The following NPAS2 variants were observed in gnomAD, a reference collection of about 807,000 sequenced individuals.
NPAS2 encodes the protein neuronal PAS domain protein 2, also known as neuronal PAS domain-containing protein 2.
NPAS2 carries 23 observed loss-of-function variants against 107.5 expected under a neutral mutation model. That is an observed-to-expected ratio of 0.21 (90% CI 0.15 to 0.30). The LOEUF is 0.30. Among genes scored for constraint, NPAS2 ranks in the 10% least tolerant of loss-of-function variants. The pLI is 1.00. For missense variants in NPAS2, 756 were observed against 1,043.3 expected, an observed-to-expected ratio of 0.72 and a Z score of 3.79; for synonymous variants, 403 against 417.5, an observed-to-expected ratio of 0.97 and a Z score of 0.42.
chr2:100,964,843 T>TTG lies in NPAS2; in HGVS notation c.718-17_718-16insGT. The TTG allele has an allele frequency of 1.3e-6, 2 of 1,569,200 alleles. No homozygotes were observed. The highest frequency in any genetic ancestry group is 1.7e-6 in the Non-Finnish European group (2 of 1,160,522). ...TGGCACCCAAGCAACTTTTTTTTTT[T>TTG]TTCTGCTTCCAATACAGGAAATGTG... On this transcript the variant is annotated splice_polypyrimidine_tract_variant and intron_variant, in intron 8 of 20. Transcript: ENST00000335681.
chr2:100,968,230 T>A lies in NPAS2; in HGVS notation c.908-51T>A, dbSNP rs1459349729. Reference sequence around the variant, plus strand: ...TTTACAATAACTCTTGGGGAAAAGATCATTTTCATATTAACATTGGTTATA... The same window carrying A: ...TTTACAATAACTCTTGGGGAAAAGAACATTTTCATATTAACATTGGTTATA... On this transcript the variant is annotated intron_variant, in intron 10 of 20. Transcript: ENST00000335681. The surrounding 1 kb of genome is among the most constrained non-coding windows in gnomAD (Gnocchi z 5.3). 1.3e-6 allele frequency: 2 copies of A among 1,574,868 alleles called. No homozygotes were observed. The highest frequency in any genetic ancestry group is 3.4e-5 in the Admixed American group (2 of 58,886).
chr2:100,945,986 C>T (rs1331105376), intron 5 of NPAS2, among the ~76,000 whole-genome samples: 1 of 152,238 alleles, frequency 6.6e-6, no homozygotes, highest in East Asian at 1.9e-4. Context: ...GAACAAGGCA[C>T]TGGGCCCTGC....
intron 3 of NPAS2, among the ~76,000 whole-genome samples, chr2:100,925,811 A>G (rs1464378647): frequency 2.0e-5 from 3 of 152,232 alleles, no homozygotes; most frequent in African/African-American, 7.2e-5. Flanking sequence ...TGTTTATACC[A>G]TAAAATTCAC....
chr2:100,849,979 C>T (rs1259215687), intron 1 of NPAS2, among the ~76,000 whole-genome samples: 1 of 107,678 alleles, frequency 9.3e-6, no homozygotes, highest in East Asian at 3.0e-4. Flanking sequence ...CCAACTTAAA[C>T]TCCAAGATAG....
intron 1 of NPAS2, among the ~76,000 whole-genome samples, chr2:100,865,699 G>A (rs1022315130): frequency 3.9e-5 from 6 of 152,148 alleles, no homozygotes; most frequent in African/African-American, 1.4e-4. Flanking sequence ...GTTACTGACT[G>A]GATCTCCAAT....
At chr2:100,948,445 A>G in intron 6 of NPAS2, 90 bp downstream of exon 6, 3 of 1,176,212 alleles carry the variant, frequency 2.6e-6, no homozygotes, top group Non-Finnish European at 3.5e-6. Flanking sequence ...GGGAGAACTA[A>G]TTTTAAGAAT....
chr2:100,955,931 A>G (rs572673274), intron 7 of NPAS2, among the ~76,000 whole-genome samples: 101 of 151,990 alleles, frequency 6.6e-4, no homozygotes, highest in South Asian at 4.8e-3. Context: ...TTGAGACAGG[A>G]TCTCACTCTG....
intron 1 of NPAS2, among the ~76,000 whole-genome samples, chr2:100,879,617 T>G (rs1308791523): frequency 6.6e-6 from 1 of 152,190 alleles, no homozygotes; most frequent in African/African-American, 2.4e-5. Context: ...CTGACTTACT[T>G]TGCTTAGCAT....
At chr2:100,889,306 A>G (rs1014738414) in intron 1 of NPAS2, among the ~76,000 whole-genome samples, 3 of 152,228 alleles carry the variant, frequency 2.0e-5, no homozygotes, top group Non-Finnish European at 2.9e-5. Context: ...TCGGCCCTAC[A>G]TTGCCTAAGC....
At chr2:100,873,750 T>C (rs1276240346) in intron 1 of NPAS2, among the ~76,000 whole-genome samples, 1 of 152,168 alleles carries the variant, frequency 6.6e-6, no homozygotes, top group East Asian at 1.9e-4. Flanking sequence ...GATTGCAGTT[T>C]GAGCAGGGCT....
chr2:100,832,918 C>T (rs1280087524), intron 1 of NPAS2, among the ~76,000 whole-genome samples: 1 of 152,188 alleles, frequency 6.6e-6, no homozygotes, highest in Non-Finnish European at 1.5e-5. Flanking sequence ...TATGAAGCAA[C>T]GGCATCTCTT....
rs1254505581 is a variant in NPAS2 at position 100,886,432 on chromosome 2, G to A, written c.-22-18301G>A. ...AATATGAAGATAGTTGATGTCCATA[G>A]CTAGGATCTGTTATTTAAATGTAGA... On this transcript the variant is annotated intron_variant, in intron 1 of 20. Transcript: ENST00000335681. 2.0e-5 allele frequency among the ~76,000 whole-genome samples: 3 copies of A among 152,236 alleles called. No homozygotes were observed. The East Asian group carries it at 5.8e-4, about 29-fold the overall frequency.
rs1257411353 is a variant in NPAS2 at position 100,878,616 on chromosome 2, T to A, written c.-22-26117T>A. Reference sequence around the variant, plus strand: ...CAGTAAGAATATACACTTTCAGCTATCTGCTAACAGAATCAAGGTAACTTT... The same window carrying A: ...CAGTAAGAATATACACTTTCAGCTAACTGCTAACAGAATCAAGGTAACTTT... On this transcript the variant is annotated intron_variant, in intron 1 of 20. Transcript: ENST00000335681. 1.4e-5 allele frequency: 14 copies of A among 985,322 alleles called. No individual in the cohort carries two copies. In the African/African-American group the frequency reaches 2.4e-4, roughly 17 times the overall value. The allele number at this position is 985,322 out of a possible 1,614,324, so 61.0% of individuals were successfully genotyped here.
chr2:100,995,456 C>T lies in NPAS2; in HGVS notation c.2349C>T (p.Thr783=), dbSNP rs372661965. The change falls in exon 21 of 21, where the codon ACC becomes ACT. Residue 783 remains threonine, a synonymous_variant. Transcript: ENST00000335681. ...SEQQDSLLLS[T]YSQQPGTLGY... ...AGCAGGACTCGCTACTTCTCTCCAC[C>T]TACTCACAACAGCCAGGGACCCTGG... is the stretch of plus-strand genomic sequence containing the variant. 2 of 1,614,032 alleles carry T rather than the reference C, an allele frequency of 1.2e-6. No individual in the cohort carries two copies. Among genetic ancestry groups the T allele is most frequent in the Non-Finnish European group, 1.7e-6 (2 of 1,180,032 alleles).
At chr2:100,843,112 G>A (rs550585397) in intron 1 of NPAS2, among the ~76,000 whole-genome samples, 9 of 151,992 alleles carry the variant, frequency 5.9e-5, no homozygotes, top group African/African-American at 1.9e-4. Flanking sequence ...CCAGCTACTC[G>A]GGAGGCTGAG....
intron 1 of NPAS2, among the ~76,000 whole-genome samples, chr2:100,853,887 A>G (rs965519): frequency 0.14 from 21,848 of 151,098 alleles, 1,763 homozygotes; most frequent in Middle Eastern, 0.28. Flanking sequence ...AACTTAAAAG[A>G]TGAAGTCCTG....
intron 1 of NPAS2, among the ~76,000 whole-genome samples, chr2:100,873,251 C>CAAAA: frequency 1.7e-5 from 1 of 58,908 alleles, no homozygotes; most frequent in Non-Finnish European, 2.9e-5. Flanking sequence ...GACTTCATCT[C>CAAAA]AAAAAAAAAA....
At chr2:100,958,885 T>G (rs1675738819) in intron 7 of NPAS2, among the ~76,000 whole-genome samples, 1 of 152,142 alleles carries the variant, frequency 6.6e-6, no homozygotes, top group Non-Finnish European at 1.5e-5. Flanking sequence ...AATACTCATT[T>G]TAATTAATAA....
At chr2:100,853,991 A>AC (rs1256289739) in intron 1 of NPAS2, among the ~76,000 whole-genome samples, 1 of 138,926 alleles carries the variant, frequency 7.2e-6, no homozygotes, top group African/African-American at 2.6e-5. Flanking sequence ...AAAAAAAAAA[A>AC]CACAAAAAAT....
Sources: allele counts gnomAD v4.1 joint callset (sites outside exome capture counted in the v4.1 genomes callset), GRCh38; gene constraint gnomAD v4.1.1; non-coding constraint Gnocchi (gnomAD v3.1); transcripts MANE v1.5; gene names NCBI Gene and HGNC (gene_info 2026-07-23, HGNC 2026-07-21).